Variants in DNA2 observed in about 807,000 individuals in gnomAD.
The protein encoded by DNA2 is DNA replication helicase/nuclease 2.
DNA2 carries 101 observed loss-of-function variants against 119.1 expected under a neutral mutation model. That is an observed-to-expected ratio of 0.85 (90% CI 0.72 to 1.00). DNA2 has a LOEUF of 1.00. DNA2 is among the 50% of genes least tolerant of loss of function. The pLI, the probability that DNA2 is intolerant of heterozygous loss-of-function variation, is 0.00. For missense variants in DNA2, 1,121 were observed against 1,255.5 expected (o/e 0.89, Z 1.62); for synonymous variants, 366 against 424.4 (o/e 0.86, Z 1.69).
chr10:68,431,899 A>T lies in DNA2; in HGVS notation c.1946T>A (p.Met649Lys). Reference sequence around the variant, plus strand: ...CGTAGTTGTTTTTCCTGTCCCAGGCATACCCACGATGAGTGTGTAGTCTTT... The same window carrying T: ...CGTAGTTGTTTTTCCTGTCCCAGGCTTACCCACGATGAGTGTGTAGTCTTT... ...LSKDYTLIVGMPGTGKTTTIC... is the reference protein window; with the variant it reads ...LSKDYTLIVGKPGTGKTTTIC... The change falls in exon 13 of 21, where the codon ATG (methionine) becomes AAG (lysine). Residue 649 changes from methionine to lysine, a missense_variant. Transcript: ENST00000358410. 3 of 1,613,852 alleles carry T rather than the reference A, an allele frequency of 1.9e-6. No individual in the cohort carries two copies. Among genetic ancestry groups the T allele is most frequent in the Non-Finnish European group, 2.5e-6 (3 of 1,179,792 alleles).
intron 8 of DNA2, among the ~76,000 whole-genome samples, chr10:68,443,971 T>C (rs1013125804): frequency 6.7e-6 from 1 of 150,214 alleles, no homozygotes; most frequent in African/African-American, 2.5e-5. Flanking sequence ...AAAAAAAGTA[T>C]TTCGGCATAG....
At chr10:68,434,264 C>T (rs529230532) in intron 10 of DNA2, among the ~76,000 whole-genome samples, 32 of 147,338 alleles carry the variant, frequency 2.2e-4, no homozygotes, top group African/African-American at 7.4e-4. Flanking sequence ...AACAGTGAGA[C>T]GGTCTCAAAA....
rs759471117 is a variant in DNA2, at chr10:68,437,039, T to A, written c.1618A>T (p.Met540Leu). The change falls in exon 10 of 21, where the codon ATG (methionine) becomes TTG (leucine). Residue 540 changes from methionine (M) to leucine (L), a missense_variant. Coordinates refer to ENST00000358410, the MANE Select transcript of DNA2 (RefSeq NM_001080449.3). The part of the protein sequence containing the change: ...LSRGYVKEIN[M>L]TTVTCLLDRN... ...TCTAATAAACAAGTTACTGTTGTCA[T>A]GTTAATCTCCTTCACATATCCTCTA... The A allele has an allele frequency of 6.2e-7, 1 of 1,612,342 alleles. No individual in the cohort carries two copies. Among genetic ancestry groups the A allele is most frequent in the Non-Finnish European group, 8.5e-7 (1 of 1,179,338 alleles).
intron 14 of DNA2, chr10:68,424,918 A>C (rs2051717388): frequency 5.7e-6 from 4 of 703,456 alleles, no homozygotes; most frequent in African/African-American, 1.8e-5. Flanking sequence ...AAAATTATTG[A>C]ACACAAAGCC....
intron 5 of DNA2, among the ~76,000 whole-genome samples, chr10:68,451,096 T>TAAAA (rs754298528): frequency 1.8e-4 from 18 of 98,808 alleles, no homozygotes; most frequent in South Asian, 3.4e-4. Flanking sequence ...CAAGACTGTC[T>TAAAA]AAAAAAAAAA....
In DNA2 at chr10:68,437,232, A is replaced by G; in HGVS notation, c.1425T>C (p.Ser475=). 6.2e-7 allele frequency: 1 copy of G among 1,602,050 alleles called. No individual in the cohort carries two copies. Among genetic ancestry groups the G allele is most frequent in the Non-Finnish European group, 8.5e-7 (1 of 1,171,110 alleles). Residue 475 remains serine, a synonymous_variant, in exon 10 of 21, where the codon AGT becomes AGC. Coordinates refer to ENST00000358410, the MANE Select transcript of DNA2 (RefSeq NM_001080449.3). ...WLMPASEMEK[S]GSCIGNLIRM... Reference sequence around the variant, plus strand: ...TAATCAGGTTTCCAATGCAACTGCCACTCTTCTCCCTATGAAAAGACCAAA... The same window carrying G: ...TAATCAGGTTTCCAATGCAACTGCCGCTCTTCTCCCTATGAAAAGACCAAA...
At chr10:68,466,955 G>A (rs1402882092) in intron 3 of DNA2, among the ~76,000 whole-genome samples, 5 of 152,302 alleles carry the variant, frequency 3.3e-5, no homozygotes, top group African/African-American at 9.6e-5. Flanking sequence ...TAGGGAGGCT[G>A]AGGTGGCCTG....
intron 4 of DNA2, among the ~76,000 whole-genome samples, chr10:68,462,157 G>T (rs926360577): frequency 6.6e-6 from 1 of 152,130 alleles, no homozygotes; most frequent in Non-Finnish European, 1.5e-5. Flanking sequence ...GATCACTTGA[G>T]GTCAGGAGTT....
intron 8 of DNA2, among the ~76,000 whole-genome samples, chr10:68,443,627 G>T (rs1250081994): frequency 6.6e-6 from 1 of 152,136 alleles, no homozygotes; most frequent in Non-Finnish European, 1.5e-5. Flanking sequence ...CTGCCATTAA[G>T]AGATCCCTTG....
upstream of DNA2, among the ~76,000 whole-genome samples, chr10:68,472,517 G>A (rs1590081283): frequency 6.6e-6 from 1 of 152,082 alleles, no homozygotes; most frequent in South Asian, 2.1e-4. Context: ...GGAGGATCAC[G>A]AGGTCAGCAG....
chr10:68,454,754 C>T (rs924648102), intron 5 of DNA2, among the ~76,000 whole-genome samples: 2 of 151,366 alleles, frequency 1.3e-5, no homozygotes, highest in East Asian at 2.0e-4. Flanking sequence ...TGTAGTGAGC[C>T]GAGATTGCGC....
chr10:68,466,585 T>C (rs2052329519), intron 3 of DNA2, among the ~76,000 whole-genome samples: 1 of 151,612 alleles, frequency 6.6e-6, no homozygotes, highest in Non-Finnish European at 1.5e-5. Context: ...TAGACCTTTT[T>C]TTTTTTTTTT....
intron 19 of DNA2, among the ~76,000 whole-genome samples, chr10:68,418,317 C>T (rs1263636738): frequency 4.6e-5 from 7 of 150,672 alleles, no homozygotes; most frequent in South Asian, 2.1e-4. Context: ...GAGGCTGAGA[C>T]GGAAGAGTCA....
In DNA2 at chr10:68,422,440, T is replaced by C; in HGVS notation, c.2493-11A>G. On this transcript the variant is annotated splice_polypyrimidine_tract_variant and intron_variant, in intron 16 of 20. Transcript: ENST00000358410. ...AAGGACATAATTTTACTAAGGGAAT[T>C]ACAAAAGATAACTTTAGTTTTGGTA... The C allele has an allele frequency of 6.2e-7, 1 of 1,612,968 alleles. No individual in the cohort carries two copies. Among genetic ancestry groups the C allele is most frequent in the East Asian group, 2.2e-5 (1 of 44,878 alleles).
At chr10:68,426,402 G>A (rs1414868145) in intron 14 of DNA2, among the ~76,000 whole-genome samples, 1 of 152,006 alleles carries the variant, frequency 6.6e-6, no homozygotes, top group Non-Finnish European at 1.5e-5. Context: ...GCCAGGTATG[G>A]TGGCTCATGC....
intron 17 of DNA2, among the ~76,000 whole-genome samples, chr10:68,421,226 G>A (rs1193175078): frequency 6.6e-6 from 1 of 152,082 alleles, no homozygotes; most frequent in Admixed American, 6.5e-5. Flanking sequence ...GTGAGCCACT[G>A]TGCCCGGGTT....
intron 6 of DNA2, among the ~76,000 whole-genome samples, chr10:68,449,213 C>G (rs142484934): frequency 1.2e-3 from 180 of 152,268 alleles, no homozygotes; most frequent in African/African-American, 4.2e-3. Flanking sequence ...CACATTCCTT[C>G]TGACCTTTGA....
intron 5 of DNA2, among the ~76,000 whole-genome samples, chr10:68,455,802 C>G (rs923676408): frequency 2.0e-5 from 3 of 151,712 alleles, no homozygotes; most frequent in Non-Finnish European, 4.4e-5. Flanking sequence ...GCCTGAGCGA[C>G]AGAGCGAGAC....
At chr10:68,417,239 CAA>C (rs34123746) in intron 19 of DNA2, among the ~76,000 whole-genome samples, 23 of 110,270 alleles carry the variant, frequency 2.1e-4, no homozygotes, top group Admixed American at 1.9e-4. Context: ...CCTAGCCTCT[CAA>C]AAAAAAAAAA....
Sources: allele counts gnomAD v4.1 joint callset (sites outside exome capture counted in the v4.1 genomes callset), GRCh38; gene constraint gnomAD v4.1.1; transcripts MANE v1.5; gene names NCBI Gene and HGNC (gene_info 2026-07-23, HGNC 2026-07-21).